The following CLDN16 variants were observed in gnomAD, a reference collection of about 807,000 sequenced individuals.
CLDN16 encodes claudin 16, also known as claudin-16.
CLDN16 carries 13 observed loss-of-function variants against 24.6 expected under a neutral mutation model. That is an observed-to-expected ratio of 0.53 (90% CI 0.34 to 0.84). The LOEUF is 0.84. Among genes scored for constraint, CLDN16 ranks in the 40% least tolerant of loss-of-function variants. CLDN16 has a pLI of 0.01. For missense variants in CLDN16, 298 were observed against 292.7 expected (o/e 1.02, Z -0.13); for synonymous variants, 116 against 106.7 (o/e 1.09, Z -0.54).
At chr3:190,387,318 CT>C (rs545564626), upstream of CLDN16, among the ~76,000 whole-genome samples, 1 of 151,466 alleles carries the variant, frequency 6.6e-6, no homozygotes, top group African/African-American at 2.4e-5. Flanking sequence ...ATATTAAAAA[CT>C]TTTTTTTACA....
the CLDN16 span, among the ~76,000 whole-genome samples, chr3:190,311,002 C>T: frequency 6.6e-6 from 1 of 152,196 alleles, no homozygotes; most frequent in Non-Finnish European, 1.5e-5. Context: ...TGTAGTAATT[C>T]TAAGTATTCA....
chr3:190,320,132 A>G (rs1472583363), upstream of CLDN16, among the ~76,000 whole-genome samples: 1 of 152,250 alleles, frequency 6.6e-6, no homozygotes, highest in Non-Finnish European at 1.5e-5. Context: ...AACTACATTA[A>G]CCAAAAAATG....
the CLDN16 span, among the ~76,000 whole-genome samples, chr3:190,298,099 C>T: frequency 6.6e-6 from 1 of 151,926 alleles, no homozygotes; most frequent in Admixed American, 6.6e-5. Flanking sequence ...TTGTCTTTTC[C>T]ATATACTATC....
At chr3:190,380,294 A>G (rs1718343736) in intron 3 of CLDN16, among the ~76,000 whole-genome samples, 1 of 142,384 alleles carries the variant, frequency 7.0e-6, no homozygotes. Context: ...TTATAGACTA[A>G]TAAACATCAT....
intron 1 of CLDN16, among the ~76,000 whole-genome samples, chr3:190,361,609 C>G (rs1406292402): frequency 2.0e-5 from 3 of 151,946 alleles, no homozygotes; most frequent in Non-Finnish European, 4.4e-5. Flanking sequence ...CAAATTGCTC[C>G]TGGAGATAAC....
chr3:190,317,035 T>C, the CLDN16 span, among the ~76,000 whole-genome samples: 3 of 152,200 alleles, frequency 2.0e-5, no homozygotes, highest in Non-Finnish European at 4.4e-5. Flanking sequence ...TTTGCCCTAA[T>C]GGAATGATGA....
chr3:190,322,336 G>T (rs549996028), upstream of CLDN16: 1 of 831,782 alleles, frequency 1.2e-6, no homozygotes, highest in Non-Finnish European at 2.0e-6. Context: ...AGCCCTGCTC[G>T]CTGCGCCGCC....
At chr3:190,344,189 C>T (rs74897782) in intron 1 of CLDN16, among the ~76,000 whole-genome samples, 7,161 of 151,878 alleles carry the variant, frequency 0.047, 558 homozygotes, top group African/African-American at 0.16. Context: ...CATTATAAAA[C>T]ACAGAGCTTC....
chr3:190,342,529 C>G (rs1431776219), intron 1 of CLDN16, among the ~76,000 whole-genome samples: 2 of 152,106 alleles, frequency 1.3e-5, no homozygotes, highest in Non-Finnish European at 2.9e-5. Context: ...GACCTGTCCC[C>G]TGAAAACTAT....
intron 2 of CLDN16, among the ~76,000 whole-genome samples, chr3:190,372,476 C>T (rs1484600135): frequency 6.6e-6 from 1 of 151,644 alleles, no homozygotes; most frequent in East Asian, 2.0e-4. Context: ...GACCCCCTTC[C>T]CCCCCAAAAT....
chr3:190,293,990 A>G, the CLDN16 span, among the ~76,000 whole-genome samples: 1 of 152,330 alleles, frequency 6.6e-6, no homozygotes, highest in East Asian at 1.9e-4. Context: ...CAATAAACAA[A>G]TGATTCTGGA....
intron 1 of CLDN16, among the ~76,000 whole-genome samples, chr3:190,341,874 T>G (rs113918399): frequency 0.039 from 5,969 of 152,212 alleles, 396 homozygotes; most frequent in African/African-American, 0.13. Context: ...TCTCTCAAGT[T>G]CAAAGATCCA....
At chr3:190,308,684 T>C in the CLDN16 span, among the ~76,000 whole-genome samples, 2 of 152,188 alleles carry the variant, frequency 1.3e-5, no homozygotes, top group African/African-American at 4.8e-5. Context: ...ATTACACAAA[T>C]AATTCCAAGG....
At chr3:190,391,377 A>G (rs1031322907) in intron 1 of CLDN16, among the ~76,000 whole-genome samples, 1 of 152,162 alleles carries the variant, frequency 6.6e-6, no homozygotes, top group Non-Finnish European at 1.5e-5. Context: ...CCTGCCTCTC[A>G]GGAGTGCACA....
At chr3:190,386,724 T>G (rs796572437), upstream of CLDN16, among the ~76,000 whole-genome samples, 4 of 152,308 alleles carry the variant, frequency 2.6e-5, no homozygotes, top group African/African-American at 9.6e-5. Flanking sequence ...GGGGTGGTAC[T>G]GTAGACCCTA....
At chr3:190,390,961 A>T (rs560452297) in intron 1 of CLDN16, among the ~76,000 whole-genome samples, 1 of 151,924 alleles carries the variant, frequency 6.6e-6, no homozygotes, top group Admixed American at 6.6e-5. Context: ...AATTTTAAAA[A>T]TTTTTTGTAA....
chr3:190,371,039 T>TATATATAA (rs1162902114), intron 2 of CLDN16: 11 of 2,990 alleles, frequency 3.7e-3, no homozygotes, highest in African/African-American at 7.4e-3. Context: ...TATATATATA[T>TATATATAA]AAAATATATA....
chr3:190,297,504 C>CTA, the CLDN16 span, among the ~76,000 whole-genome samples: 83,923 of 137,588 alleles, frequency 0.61, 26,747 homozygotes, highest in African/African-American at 0.81. Context: ...ATATTTATAT[C>CTA]TATATATAGA....
the CLDN16 span, among the ~76,000 whole-genome samples, chr3:190,291,934 G>A: frequency 7.1e-4 from 108 of 152,240 alleles, no homozygotes; most frequent in African/African-American, 2.3e-3. Flanking sequence ...TTAAGGGGGC[G>A]GGCCCCCACA....
Sources: allele counts gnomAD v4.1 joint callset (sites outside exome capture counted in the v4.1 genomes callset), GRCh38; gene constraint gnomAD v4.1.1; transcripts MANE v1.5; gene names NCBI Gene and HGNC (gene_info 2026-07-23, HGNC 2026-07-21).